The following RFX7 variants were observed in gnomAD, a reference collection of about 807,000 sequenced individuals.
The protein encoded by RFX7 is DNA-binding protein RFX7.
RFX7 carries 26 observed loss-of-function variants against 111.8 expected under a neutral mutation model. The observed-to-expected ratio is 0.23, with a 90% confidence interval of 0.17 to 0.32. The LOEUF is 0.32. RFX7 is among the 10% of genes least tolerant of loss of function. The pLI is 1.00. For synonymous variants in RFX7, 624 were observed against 624.4 expected (o/e 1.00, Z 0.01); for missense variants, 1,573 against 1,772.9 (o/e 0.89, Z 2.02).
intron 2 of RFX7, among the ~76,000 whole-genome samples, chr15:56,191,701 C>A (rs78171637): frequency 0.067 from 10,105 of 151,820 alleles, 448 homozygotes; most frequent in Admixed American, 0.11. Context: ...GAAAAAAAAA[C>A]CAGACAGATA....
chr15:56,094,888 G>A lies in RFX7; in HGVS notation c.2840C>T (p.Thr947Ile), dbSNP rs2041650427. 2 of 1,562,852 alleles carry A rather than the reference G, an allele frequency of 1.3e-6. No individual in the cohort carries two copies. Among genetic ancestry groups the A allele is most frequent in the Non-Finnish European group, 1.7e-6 (2 of 1,153,966 alleles). ...PIHSNGTPIHTPTPTPTPTPT... is the reference protein window; with the variant it reads ...PIHSNGTPIHIPTPTPTPTPT... ...AGTGGGTGTGGGTGTGGGTGTGGGT[G>A]TGTGGATTGGAGTGCCATTGCTGTG... Residue 947 changes from threonine (T) to isoleucine (I), a missense_variant, in exon 10 of 10, where the codon ACA becomes ATA. Physicochemically the swap from Thr to Ile is moderately conservative, Grantham distance 89. This residue lies in a region of RFX7 where 625 missense variants were observed against 632.2 expected (regional missense o/e 0.99). Transcript: ENST00000559447.
chr15:56,124,263 A>C (rs1216869617), intron 5 of RFX7, among the ~76,000 whole-genome samples: 1 of 152,130 alleles, frequency 6.6e-6, no homozygotes, highest in Non-Finnish European at 1.5e-5. Flanking sequence ...TCTACTAAAA[A>C]TACAAAAAAT....
chr15:56,098,477 C>A (rs2041711925), intron 8 of RFX7, 101 bp from the exon 9 acceptor site: 1 of 1,283,552 alleles, frequency 7.8e-7, no homozygotes, highest in South Asian at 1.5e-5. Flanking sequence ...CTGGACAAAG[C>A]AACCAAAATG....
rs1398762046 is a variant in RFX7, at chr15:56,095,895, T to C, written c.1833A>G (p.Pro611=). Residue 611 remains proline, a synonymous_variant, in exon 10 of 10, where the codon CCA becomes CCG. Coordinates refer to ENST00000559447, the MANE Select transcript of RFX7 (RefSeq NM_022841.7). ...TTTGATTATTGCCTGTTGACGTGCC[T>C]GGCAGCATTTCATTACAGCGACTTT... ...KCKSRCNEML[P]GTSTGNNQST... 1 of 1,605,262 alleles carries C rather than the reference T, an allele frequency of 6.2e-7. No homozygotes were observed. The highest frequency in any genetic ancestry group is 8.5e-7 in the Non-Finnish European group (1 of 1,179,842).
At chr15:56,242,995 G>A (rs1312638503) in intron 2 of RFX7, 130 bp downstream of exon 2, 2 of 684,032 alleles carry the variant, frequency 2.9e-6, no homozygotes, top group South Asian at 1.7e-5. Context: ...ATGTGCACCC[G>A]ACTGGGGAAA....
chr15:56,172,421 A>C (rs142791951), intron 3 of RFX7, among the ~76,000 whole-genome samples: 1 of 152,260 alleles, frequency 6.6e-6, no homozygotes, highest in East Asian at 1.9e-4. Flanking sequence ...ATTCATGAGA[A>C]TAGGCTAGTA....
chr15:56,215,198 TAC>T (rs1403402871), intron 2 of RFX7, among the ~76,000 whole-genome samples: 4 of 152,360 alleles, frequency 2.6e-5, no homozygotes, highest in African/African-American at 9.6e-5. Context: ...TTGTAATCAA[TAC>T]AATGTAAGTG....
intron 2 of RFX7, among the ~76,000 whole-genome samples, chr15:56,217,935 A>G (rs1334482942): frequency 5.3e-5 from 8 of 152,066 alleles, no homozygotes; most frequent in African/African-American, 1.9e-4. Flanking sequence ...ATGTAAGGAT[A>G]TAGTCAGCTC....
intron 2 of RFX7, among the ~76,000 whole-genome samples, chr15:56,221,200 T>C (rs1326457629): frequency 1.3e-5 from 2 of 152,244 alleles, no homozygotes; most frequent in Non-Finnish European, 2.9e-5. Flanking sequence ...TTAAGTTTTT[T>C]CTAATTCTGT....
chr15:56,124,247 C>G (rs2042113631), intron 5 of RFX7, among the ~76,000 whole-genome samples: 1 of 152,028 alleles, frequency 6.6e-6, no homozygotes, highest in Non-Finnish European at 1.5e-5. Flanking sequence ...ACGGTGAAAC[C>G]CTGCCTCTAC....
At position 56,243,524 on chromosome 15, in the gene RFX7, C is replaced by T. The variant is rs1324444438; in HGVS notation, c.-82G>A. ...GACCAGCGGCTCCTCACGGCCGGGG[C>T]GCTTCACCGCGGGAGAGGCATGGCG... On this transcript the variant is annotated 5_prime_UTR_variant, in exon 1 of 10. Transcript: ENST00000559447. The T allele has an allele frequency of 8.1e-6, 8 of 984,276 alleles. No homozygotes were observed. Among genetic ancestry groups the T allele is most frequent in the Non-Finnish European group, 9.6e-6 (8 of 829,596 alleles). 61.0% of individuals were successfully genotyped at this position (984,276 alleles called of 1,614,324 possible). A position where few individuals can be genotyped will look rare whatever the true frequency, so the allele number is the denominator to read the frequency against.
In RFX7 at chr15:56,129,819, G is replaced by A. The variant is rs142493609; in HGVS notation, c.401+12959C>T. Among the ~76,000 whole-genome samples the A allele has an allele frequency of 7.2e-5, 11 of 152,270 alleles. No homozygotes were observed. The East Asian group carries it at 1.7e-3, about 24-fold the overall frequency. ...TCATGGTTTTGTAGAAGGGTGAAAC[G>A]TTTCTGGTTTTGGTATTTTTCTGAT... On this transcript the variant is annotated intron_variant, in intron 5 of 9. Coordinates refer to ENST00000559447, the MANE Select transcript of RFX7 (RefSeq NM_022841.7).
chr15:56,168,644 T>C (rs1405437070), intron 3 of RFX7, among the ~76,000 whole-genome samples: 1 of 152,154 alleles, frequency 6.6e-6, no homozygotes, highest in African/African-American at 2.4e-5. Flanking sequence ...TGGTTTAGAC[T>C]AGAAAACAAA....
At chr15:56,193,930 A>G (rs1428739950) in intron 2 of RFX7, among the ~76,000 whole-genome samples, 1 of 152,170 alleles carries the variant, frequency 6.6e-6, no homozygotes, top group African/African-American at 2.4e-5. Context: ...CTTTCTCACA[A>G]AGAAATGTCA....
rs906125336 is a variant in RFX7, at chr15:56,181,221, C to T, written c.162-1918G>A. 2.6e-5 allele frequency among the ~76,000 whole-genome samples: 4 copies of T among 152,206 alleles called. 1 individual carries two copies. The highest frequency in any genetic ancestry group is 6.5e-5 in the Admixed American group (1 of 15,286). On this transcript the variant is annotated intron_variant, in intron 2 of 9. Transcript: ENST00000559447. ...CCAGGCAGCCTCCGTGATAGCTCCG[C>T]GGCAGGAGTGGGCCCTGCACTGGCT... is the stretch of plus-strand genomic sequence containing the variant.
chr15:56,130,377 G>C (rs2042196377), intron 5 of RFX7, among the ~76,000 whole-genome samples: 1 of 151,868 alleles, frequency 6.6e-6, no homozygotes, highest in Admixed American at 6.6e-5. Flanking sequence ...AAATATGAAA[G>C]TGTAAAGCAA....
rs1238900769 is a variant in RFX7 at position 56,091,595 on chromosome 15, TCA to T, written c.*1748_*1749del. ...GGCTCCCATCATTTGTCAGGAGAAA[TCA>T]CACAGTTTCCTTTGGGTATTGCATA... On this transcript the variant is annotated 3_prime_UTR_variant, in exon 10 of 10. Coordinates refer to ENST00000559447, the MANE Select transcript of RFX7 (RefSeq NM_022841.7). The T allele has an allele frequency of 1.3e-5, 2 of 152,306 alleles. No homozygotes were observed. The highest frequency in any genetic ancestry group is 2.4e-5 in the African/African-American group (1 of 41,416). The allele number at this position is 152,306 out of a possible 1,614,324, so 9.4% of individuals were successfully genotyped here. A position where few individuals can be genotyped will look rare whatever the true frequency, so the allele number is the denominator to read the frequency against.
chr15:56,094,971 TACTG>T lies in RFX7; in HGVS notation c.2753_2756del (p.Ser918Ter). The stretch of plus-strand genomic sequence containing the variant: ...GAGATGACATTGGAGCTCCTGGAGT[TACTG>T]ACTGACTCTGAAGGGTCATTCCCAA... On this transcript the variant is annotated frameshift_variant, in exon 10 of 10. Coordinates refer to ENST00000559447, the MANE Select transcript of RFX7 (RefSeq NM_022841.7). LOFTEE classifies it high-confidence loss of function. 6.2e-7 allele frequency: 1 copy of T among 1,607,972 alleles called. No homozygotes were observed.
chr15:56,126,369 T>G (rs572440993), intron 5 of RFX7, among the ~76,000 whole-genome samples: 4 of 152,186 alleles, frequency 2.6e-5, no homozygotes, highest in Non-Finnish European at 5.9e-5. Flanking sequence ...TACCCCATAT[T>G]CCCAGTGCAG....
Sources: allele counts gnomAD v4.1 joint callset (sites outside exome capture counted in the v4.1 genomes callset), GRCh38; gene constraint gnomAD v4.1.1; regional missense constraint gnomAD v4.1.1; transcripts MANE v1.5; gene names NCBI Gene and HGNC (gene_info 2026-07-23, HGNC 2026-07-21).